CDK14: variants seen among roughly 807,000 people sequenced by gnomAD.
The protein encoded by CDK14 is cyclin-dependent kinase 14.
Under a neutral mutation model 60.7 loss-of-function variants are expected in CDK14, and 34 were observed. That is an observed-to-expected ratio of 0.56 (90% CI 0.43 to 0.75). The LOEUF (loss-of-function observed/expected upper bound fraction) is 0.75. CDK14 is among the 30% of genes least tolerant of loss of function. The pLI is 0.00. For missense variants in CDK14, 482 were observed against 564.1 expected, an observed-to-expected ratio of 0.85 and a Z score of 1.47; for synonymous variants, 197 against 203.7, an observed-to-expected ratio of 0.97 and a Z score of 0.28.
At chr7:90,871,040 A>AT (rs1791356038) in intron 6 of CDK14, among the ~76,000 whole-genome samples, 1 of 152,282 alleles carries the variant, frequency 6.6e-6, no homozygotes, top group Admixed American at 6.5e-5. Flanking sequence ...ATGAATTGAC[A>AT]TCATCATGGA....
intron 2 of CDK14, among the ~76,000 whole-genome samples, chr7:90,697,805 A>G (rs915142538): frequency 2.0e-5 from 3 of 152,108 alleles, no homozygotes; most frequent in African/African-American, 7.2e-5. Flanking sequence ...ACGGTGGCTC[A>G]CACCTGTAAT....
intron 2 of CDK14, among the ~76,000 whole-genome samples, chr7:90,717,743 A>T (rs930086233): frequency 6.6e-6 from 1 of 152,108 alleles, no homozygotes; most frequent in Non-Finnish European, 1.5e-5. Context: ...TTTTTAGTTA[A>T]AGGGGAAAGC....
intron 11 of CDK14, among the ~76,000 whole-genome samples, chr7:91,072,739 A>G (rs1798190952): frequency 1.3e-5 from 2 of 152,116 alleles, no homozygotes; most frequent in South Asian, 4.2e-4. Flanking sequence ...AGGAGCATGT[A>G]CTAACTCAAT....
At chr7:91,195,916 T>A (rs1802522899) in intron 14 of CDK14, among the ~76,000 whole-genome samples, 1 of 152,194 alleles carries the variant, frequency 6.6e-6, no homozygotes, top group Admixed American at 6.5e-5. Context: ...TGTCTCTGTC[T>A]GCATCTGTAT....
chr7:91,073,129 A>G (rs920561263), intron 11 of CDK14, among the ~76,000 whole-genome samples: 2 of 152,196 alleles, frequency 1.3e-5, no homozygotes, highest in Admixed American at 1.3e-4. Context: ...TCCCCAACCT[A>G]GCAAGACAGG....
At chr7:90,710,664 A>G (rs1584810022) in intron 2 of CDK14, 1 of 487,712 alleles carries the variant, frequency 2.1e-6, no homozygotes, top group Non-Finnish European at 2.7e-6. Context: ...GCCAGCTCTA[A>G]TAGTAGACTA....
chr7:91,046,072 C>T (rs1394593345), intron 11 of CDK14, 112 bp downstream of exon 11: 5 of 688,836 alleles, frequency 7.3e-6, no homozygotes, highest in South Asian at 6.9e-5. Flanking sequence ...TTACTTTTGC[C>T]ATTGTGTACT....
chr7:91,010,774 T>TTCCC (rs1303083279), intron 10 of CDK14, among the ~76,000 whole-genome samples: 4 of 148,230 alleles, frequency 2.7e-5, no homozygotes, highest in Non-Finnish European at 6.0e-5. Flanking sequence ...CCTTCCTTCT[T>TTCCC]TCCTTCCTTC....
chr7:90,885,878 A>G (rs1791928465), intron 6 of CDK14, among the ~76,000 whole-genome samples: 1 of 152,152 alleles, frequency 6.6e-6, no homozygotes, highest in South Asian at 2.1e-4. Context: ...ACATGGACAC[A>G]GAGAAGAACA....
At chr7:90,759,378 A>G (rs1458359083) in intron 4 of CDK14, among the ~76,000 whole-genome samples, 1 of 152,220 alleles carries the variant, frequency 6.6e-6, no homozygotes, top group Admixed American at 6.5e-5. Flanking sequence ...CTAAAAGTAA[A>G]CAGATTCACT....
chr7:91,040,939 G>A (rs1304190309), intron 10 of CDK14, among the ~76,000 whole-genome samples: 1 of 152,226 alleles, frequency 6.6e-6, no homozygotes, highest in African/African-American at 2.4e-5. Flanking sequence ...GAGTTACTCT[G>A]AGCTCTAGAA....
chr7:90,651,624 AT>A (rs1314966033), intron 2 of CDK14, among the ~76,000 whole-genome samples: 1 of 152,064 alleles, frequency 6.6e-6, no homozygotes, highest in African/African-American at 2.4e-5. Context: ...GTTTCTGGAT[AT>A]GTCACCCCTC....
At chr7:90,941,129 G>A (rs1207029529) in intron 8 of CDK14, among the ~76,000 whole-genome samples, 1 of 152,174 alleles carries the variant, frequency 6.6e-6, no homozygotes, top group Admixed American at 6.5e-5. Flanking sequence ...CCACAACAGG[G>A]AAAAATAACT....
chr7:90,728,180 G>C (rs1486974114), intron 3 of CDK14, among the ~76,000 whole-genome samples: 7 of 151,796 alleles, frequency 4.6e-5, no homozygotes, highest in Non-Finnish European at 8.8e-5. Context: ...TTTTGTTTGT[G>C]GAACTTTCTA....
intron 2 of CDK14, among the ~76,000 whole-genome samples, chr7:90,616,884 A>ATG: frequency 6.6e-6 from 1 of 152,014 alleles, no homozygotes; most frequent in African/African-American, 2.4e-5. Flanking sequence ...ATATATATAT[A>ATG]TGTGTGCCTG....
chr7:90,920,575 T>G (rs1177040282), intron 8 of CDK14, among the ~76,000 whole-genome samples: 1 of 152,208 alleles, frequency 6.6e-6, no homozygotes, highest in Non-Finnish European at 1.5e-5. Flanking sequence ...AAGCTGGAAT[T>G]CAGATGCTTG....
intron 4 of CDK14, among the ~76,000 whole-genome samples, chr7:90,773,368 C>G (rs1166016092): frequency 1.3e-5 from 2 of 152,124 alleles, no homozygotes; most frequent in African/African-American, 4.8e-5. Context: ...TACCCTGTGT[C>G]TCAGTTTCTT....
At chr7:90,735,213 C>T (rs1167042529) in intron 3 of CDK14, among the ~76,000 whole-genome samples, 2 of 152,156 alleles carry the variant, frequency 1.3e-5, no homozygotes, top group Non-Finnish European at 2.9e-5. Context: ...CCACCAGATG[C>T]CAGCCAGAAT....
intron 12 of CDK14, among the ~76,000 whole-genome samples, chr7:91,082,200 A>G (rs1355934547): frequency 6.6e-6 from 1 of 152,240 alleles, no homozygotes; most frequent in Non-Finnish European, 1.5e-5. Context: ...AAGAAGCCTT[A>G]GTGTATGCTC....
Sources: allele counts gnomAD v4.1 joint callset (sites outside exome capture counted in the v4.1 genomes callset), GRCh38; gene constraint gnomAD v4.1.1; transcripts MANE v1.5; gene names NCBI Gene and HGNC (gene_info 2026-07-23, HGNC 2026-07-21).